SNTG1: variants seen among roughly 807,000 people sequenced by gnomAD.
The protein encoded by SNTG1 is syntrophin gamma 1.
A neutral mutation model predicts 74.7 loss-of-function variants in SNTG1; 39 were observed. That is an observed-to-expected ratio of 0.52 (90% CI 0.40 to 0.68). SNTG1 has a LOEUF of 0.68. Among genes scored for constraint, SNTG1 ranks in the 30% least tolerant of loss-of-function variants. SNTG1 has a pLI of 0.00. For missense variants in SNTG1, 685 were observed against 609.5 expected (o/e 1.12, Z -1.30); for synonymous variants, 254 against 217.1 (o/e 1.17, Z -1.49).
chr8:49,961,766 G>A (rs926174566), intron 1 of SNTG1, among the ~76,000 whole-genome samples: 4 of 152,134 alleles, frequency 2.6e-5, no homozygotes, highest in Non-Finnish European at 5.9e-5. Context: ...AGATCACATG[G>A]CTCACATTTA....
chr8:50,238,688 A>G (rs1445366166), intron 2 of SNTG1, among the ~76,000 whole-genome samples: 1 of 152,214 alleles, frequency 6.6e-6, no homozygotes, highest in African/African-American at 2.4e-5. Flanking sequence ...TGAAACTGTC[A>G]ACAGAGTAAA....
intron 1 of SNTG1, among the ~76,000 whole-genome samples, chr8:50,146,595 C>T (rs1454376628): frequency 3.3e-5 from 5 of 152,088 alleles, no homozygotes; most frequent in Non-Finnish European, 5.9e-5. Context: ...AAAGGTAAGG[C>T]AGGCTTACTT....
intron 13 of SNTG1, among the ~76,000 whole-genome samples, chr8:50,629,452 A>T (rs1383961473): frequency 6.6e-6 from 1 of 152,098 alleles, no homozygotes; most frequent in Non-Finnish European, 1.5e-5. Context: ...AGATATTAGG[A>T]TAATTCTCTG....
intron 1 of SNTG1, among the ~76,000 whole-genome samples, chr8:50,087,062 C>T (rs1345502627): frequency 6.6e-6 from 1 of 152,128 alleles, no homozygotes; most frequent in East Asian, 1.9e-4. Flanking sequence ...TTAAGAGTAC[C>T]TTCAGCTTGA....
At chr8:49,928,145 T>TAATAAATAAATAAATA (rs372341073) in intron 1 of SNTG1, among the ~76,000 whole-genome samples, 28 of 138,122 alleles carry the variant, frequency 2.0e-4, no homozygotes, top group African/African-American at 5.1e-4. Context: ...TCTCAAAAAA[T>TAATAAATAAATAAATA]AATAAATAAA....
chr8:50,504,267 C>G (rs975212367), intron 9 of SNTG1, among the ~76,000 whole-genome samples: 1 of 152,094 alleles, frequency 6.6e-6, no homozygotes, highest in Admixed American at 6.6e-5. Context: ...TAGGTTGATT[C>G]TATGTCTTTA....
chr8:50,181,892 A>G (rs2083218861), intron 2 of SNTG1, among the ~76,000 whole-genome samples: 1 of 152,174 alleles, frequency 6.6e-6, no homozygotes, highest in African/African-American at 2.4e-5. Context: ...TCCAGTATGA[A>G]AGAAAATCAA....
intron 1 of SNTG1, among the ~76,000 whole-genome samples, chr8:50,108,188 T>C (rs2080452731): frequency 6.6e-6 from 1 of 152,212 alleles, no homozygotes; most frequent in South Asian, 2.1e-4. Context: ...TAGAACTCTG[T>C]TCAAGAGGCA....
chr8:50,784,307 T>C lies in SNTG1; in HGVS notation c.1396-8364T>C, dbSNP rs545184395. The stretch of plus-strand genomic sequence containing the variant: ...GAGAAGTAGAATTATCCAAGCTTTA[T>C]AGCTAAACACACATGTAGGTTGCAA... On this transcript the variant is annotated intron_variant, in intron 18 of 18. Transcript: ENST00000642720. Among the ~76,000 whole-genome samples the C allele has an allele frequency of 2.6e-5, 4 of 152,282 alleles. 1 individual carries two copies. The highest frequency in any genetic ancestry group is 4.1e-4 in the South Asian group (2 of 4,826).
At chr8:50,360,443 G>C (rs2091926457) in intron 2 of SNTG1, among the ~76,000 whole-genome samples, 1 of 152,126 alleles carries the variant, frequency 6.6e-6, no homozygotes, top group Admixed American at 6.5e-5. Flanking sequence ...TGACCTCCTA[G>C]AAAGTGTGGG....
intron 13 of SNTG1, among the ~76,000 whole-genome samples, chr8:50,627,404 G>A (rs2094963679): frequency 6.6e-6 from 1 of 152,228 alleles, no homozygotes; most frequent in Non-Finnish European, 1.5e-5. Flanking sequence ...TGTGAGGACA[G>A]AGTGTTCCTT....
intron 2 of SNTG1, among the ~76,000 whole-genome samples, chr8:50,384,681 C>T (rs2092545907): frequency 6.6e-6 from 1 of 152,128 alleles, no homozygotes; most frequent in Non-Finnish European, 1.5e-5. Context: ...CCATCTCTAA[C>T]CCAAGTCAAC....
intron 18 of SNTG1, among the ~76,000 whole-genome samples, chr8:50,752,655 G>T (rs889741401): frequency 6.6e-6 from 1 of 151,850 alleles, no homozygotes; most frequent in African/African-American, 2.4e-5. Flanking sequence ...GGACATGAAA[G>T]CTCAATATAA....
chr8:50,559,380 T>C (rs1198774826), intron 12 of SNTG1, among the ~76,000 whole-genome samples: 1 of 152,164 alleles, frequency 6.6e-6, no homozygotes, highest in Admixed American at 6.5e-5. Context: ...AGCCAGAATG[T>C]GTATCTTCTA....
At chr8:50,239,496 C>A (rs1019077236) in intron 2 of SNTG1, among the ~76,000 whole-genome samples, 1 of 152,142 alleles carries the variant, frequency 6.6e-6, no homozygotes, top group Admixed American at 6.5e-5. Context: ...TGTGAGAATT[C>A]ATTTACTGTC....
At chr8:50,270,952 T>A (rs768023926) in intron 2 of SNTG1, among the ~76,000 whole-genome samples, 19 of 152,150 alleles carry the variant, frequency 1.2e-4, no homozygotes, top group Non-Finnish European at 1.8e-4. Flanking sequence ...CGATAAAAGT[T>A]ACTCTAAATA....
intron 2 of SNTG1, among the ~76,000 whole-genome samples, chr8:50,348,353 A>G (rs1021347485): frequency 6.6e-6 from 1 of 152,100 alleles, no homozygotes; most frequent in Admixed American, 6.6e-5. Flanking sequence ...CAACAGTGCA[A>G]CTGGATTCTG....
At chr8:50,351,148 A>G (rs1208057171) in intron 2 of SNTG1, among the ~76,000 whole-genome samples, 2 of 152,228 alleles carry the variant, frequency 1.3e-5, no homozygotes, top group African/African-American at 2.4e-5. Context: ...ACCTAGACCC[A>G]TTTCTTATTA....
chr8:50,134,297 G>A (rs1418222210), intron 1 of SNTG1, among the ~76,000 whole-genome samples: 1 of 152,180 alleles, frequency 6.6e-6, no homozygotes, highest in East Asian at 1.9e-4. Flanking sequence ...AAATCTGCGT[G>A]GTTAATAAGT....
Sources: gnomAD v4.1 joint callset for allele counts (sites outside exome capture counted in the v4.1 genomes callset) on GRCh38, gnomAD v4.1.1 for gene constraint, MANE v1.5 for transcripts, NCBI Gene and HGNC (gene_info 2026-07-23, HGNC 2026-07-21) for gene names.